The following MYH13 variants were observed in gnomAD, a reference collection of about 807,000 sequenced individuals.
MYH13 encodes myosin heavy chain 13.
MYH13 carries 177 observed loss-of-function variants against 232.1 expected under a neutral mutation model. The observed-to-expected ratio is 0.76, with a 90% confidence interval of 0.67 to 0.86. The LOEUF is 0.86. Among genes scored for constraint, MYH13 ranks in the 40% least tolerant of loss-of-function variants. MYH13 has a pLI of 0.00. For synonymous variants in MYH13, 884 were observed against 923.5 expected, an observed-to-expected ratio of 0.96 and a Z score of 0.78; for missense variants, 2,246 against 2,405.9, an observed-to-expected ratio of 0.93 and a Z score of 1.39.
intron 32 of MYH13, 88 bp downstream of exon 32, chr17:10,311,823 G>T: frequency 6.9e-7 from 1 of 1,456,318 alleles, no homozygotes; most frequent in Non-Finnish European, 9.5e-7. Flanking sequence ...TGGGAAGGAG[G>T]TGTCTGGAGA....
Position 10,311,135 on chromosome 17 carries a change from A to T in MYH13, c.4624T>A (p.Ser1542Thr). The T allele has an allele frequency of 6.2e-7, 1 of 1,614,018 alleles. No individual in the cohort carries two copies. Among genetic ancestry groups the T allele is most frequent in the Non-Finnish European group, 8.5e-7 (1 of 1,179,880 alleles). ...KTKKLVEQEK[S>T]DLQVALEEVE... Reference sequence around the variant, plus strand: ...TCTTCTAAGGCGACCTGCAGATCTGACTTTTCCTGCTCCACTAGCTTCTTG... The same window carrying T: ...TCTTCTAAGGCGACCTGCAGATCTGTCTTTTCCTGCTCCACTAGCTTCTTG... The change falls in exon 33 of 41, where the codon TCA becomes ACA. Residue 1542 changes from serine to threonine, a missense_variant. Coordinates refer to ENST00000252172, the MANE Select transcript of MYH13 (RefSeq NM_003802.3).
chr17:10,362,301 TGGATCTC>T, intron 4 of MYH13, 27 bp from the exon 5 acceptor site: 1 of 1,613,940 alleles, frequency 6.2e-7, no homozygotes, highest in Non-Finnish European at 8.5e-7. Context: ...ATTTATCATT[TGGATCTC>T]GTTTTTACTC....
chr17:10,323,161 G>T (rs1435144931), intron 23 of MYH13, among the ~76,000 whole-genome samples: 1 of 152,188 alleles, frequency 6.6e-6, no homozygotes, highest in Non-Finnish European at 1.5e-5. Context: ...ACAGGTGGAA[G>T]AATTCCTTGA....
At chr17:10,315,542 C>T (rs1906673472) in intron 29 of MYH13, 151 bp downstream of exon 29, 11 of 668,500 alleles carry the variant, frequency 1.6e-5, no homozygotes, top group Non-Finnish European at 2.8e-5. Context: ...GATCCATCTG[C>T]CTTGGCCTCC....
At position 10,312,719 on chromosome 17, in the gene MYH13, T is replaced by TTC. The variant is rs1597885216; in HGVS notation, c.4218_4219dup (p.Asn1407ArgfsTer27). On this transcript the variant is annotated frameshift_variant, in exon 31 of 41. Coordinates refer to ENST00000252172, the MANE Select transcript of MYH13 (RefSeq NM_003802.3). LOFTEE classifies it high-confidence loss of function. Reference sequence around the variant, plus strand: ...GCACTTGGAGTTCGCCGTCTCCGTGTTCTCCTCTGCTTCCTGGAGCCTCTG... The same window carrying TTC: ...GCACTTGGAGTTCGCCGTCTCCGTGTTCTCTCCTCTGCTTCCTGGAGCCTCTG... The TTC allele has an allele frequency of 6.2e-7, 1 of 1,613,654 alleles. No homozygotes were observed. The highest frequency in any genetic ancestry group is 8.5e-7 in the Non-Finnish European group (1 of 1,179,810).
chr17:10,333,863 G>A lies in MYH13; in HGVS notation c.2057-672C>T, dbSNP rs187272970. Reference sequence around the variant, plus strand: ...GCGGGGGTTGCAGTGAGCTGAGATTGAGCCACTGCACTCCAGTCTAGGCAA... The same window carrying A: ...GCGGGGGTTGCAGTGAGCTGAGATTAAGCCACTGCACTCCAGTCTAGGCAA... On this transcript the variant is annotated intron_variant, in intron 18 of 40. Coordinates refer to ENST00000252172, the MANE Select transcript of MYH13 (RefSeq NM_003802.3). 3.2e-3 allele frequency among the ~76,000 whole-genome samples: 480 copies of A among 151,630 alleles called. 1 individual carries two copies. Among genetic ancestry groups the A allele is most frequent in the Non-Finnish European group, 5.3e-3 (359 of 67,890 alleles).
intron 18 of MYH13, among the ~76,000 whole-genome samples, chr17:10,335,261 T>A (rs923675570): frequency 2.0e-5 from 3 of 152,198 alleles, no homozygotes; most frequent in Admixed American, 2.0e-4. Flanking sequence ...GGGCTATGTG[T>A]ATAAGACCCA....
intron 11 of MYH13, among the ~76,000 whole-genome samples, chr17:10,354,120 C>T (rs754506322): frequency 6.6e-6 from 1 of 152,100 alleles, no homozygotes; most frequent in Non-Finnish European, 1.5e-5. Context: ...CAGTGCCTGG[C>T]ACATGTAAGT....
chr17:10,301,444 T>C (rs1225962693), intron 40 of MYH13, 125 bp downstream of exon 40: 7 of 1,420,980 alleles, frequency 4.9e-6, no homozygotes, highest in Non-Finnish European at 6.8e-6. Context: ...TGCTCTTACC[T>C]GGTCCCCACA....
In MYH13 at chr17:10,333,999, A is replaced by G. The variant is rs552735661; in HGVS notation, c.2057-808T>C. The stretch of plus-strand genomic sequence containing the variant: ...ATCTGCTGACCACTCAGCCCCTGCT[A>G]TAGGAATTGGGGGAGAAATGGAGCT... On this transcript the variant is annotated intron_variant, in intron 18 of 40. Coordinates refer to ENST00000252172, the MANE Select transcript of MYH13 (RefSeq NM_003802.3). Among the ~76,000 whole-genome samples the G allele has an allele frequency of 2.6e-5, 4 of 151,984 alleles. 1 individual carries two copies. The highest frequency in any genetic ancestry group is 4.2e-4 in the South Asian group (2 of 4,816).
rs375501891 is a variant in MYH13 at position 10,309,383 on chromosome 17, G to T, written c.5020C>A (p.Gln1674Lys). 6 of 1,611,580 alleles carry T rather than the reference G, an allele frequency of 3.7e-6. No homozygotes were observed. The highest frequency in any genetic ancestry group is 4.2e-6 in the Non-Finnish European group (5 of 1,178,908). The part of the protein sequence containing the change: ...ALRSNEDLKE[Q>K]LAIVERRNGL... ...TTCCTGCGCTCCACGATGGCCAGCTGCTCCTTGAGGTCCTCATTGCTCCTC... is the reference window on the plus strand; with the variant it reads ...TTCCTGCGCTCCACGATGGCCAGCTTCTCCTTGAGGTCCTCATTGCTCCTC... The change falls in exon 35 of 41, where the codon CAG becomes AAG. Residue 1674 changes from glutamine to lysine, a missense_variant. Coordinates refer to ENST00000252172, the MANE Select transcript of MYH13 (RefSeq NM_003802.3).
Position 10,318,879 on chromosome 17 carries a change from C to T in MYH13, c.3649G>A (p.Val1217Met). The change falls in exon 27 of 41, where the codon GTG (valine) becomes ATG (methionine). Residue 1217 changes from valine to methionine, a missense_variant. Transcript: ENST00000252172. ...LGEQIDNLQR[V>M]KQKLEKEKSE... ...TTCTCCTTCTCCAGCTTCTGCTTCA[C>T]CCGCTGCAGGTTGTCAATCTGCTCC... 2 of 1,614,162 alleles carry T rather than the reference C, an allele frequency of 1.2e-6. No homozygotes were observed. The highest frequency in any genetic ancestry group is 1.7e-6 in the Non-Finnish European group (2 of 1,180,038).
At chr17:10,359,456 T>C (rs2071774274) in intron 7 of MYH13, among the ~76,000 whole-genome samples, 2 of 152,350 alleles carry the variant, frequency 1.3e-5, no homozygotes, top group South Asian at 4.1e-4. Context: ...TCTTTTCCAC[T>C]TGGCTTTTCC....
At chr17:10,367,328 C>T (rs1450558682) in intron 2 of MYH13, among the ~76,000 whole-genome samples, 1 of 152,080 alleles carries the variant, frequency 6.6e-6, no homozygotes, top group Non-Finnish European at 1.5e-5. Context: ...CTGTCAAATT[C>T]ATTACATTAA....
At chr17:10,333,481 C>T (rs1267648875) in intron 18 of MYH13, among the ~76,000 whole-genome samples, 1 of 152,242 alleles carries the variant, frequency 6.6e-6, no homozygotes, top group Non-Finnish European at 1.5e-5. Context: ...AGCAAGGCTG[C>T]AAAAGCTGCA....
At chr17:10,366,933 C>G (rs2071842354) in intron 2 of MYH13, among the ~76,000 whole-genome samples, 1 of 152,206 alleles carries the variant, frequency 6.6e-6, no homozygotes, top group African/African-American at 2.4e-5. Context: ...AGTGGCTCTG[C>G]TGAACCATCT....
In MYH13 at chr17:10,301,612, T is replaced by C. The variant is rs1906094209; in HGVS notation, c.5759A>G (p.Gln1920Arg). The C allele has an allele frequency of 6.2e-7, 1 of 1,614,232 alleles. No homozygotes were observed. Among genetic ancestry groups the C allele is most frequent in the Non-Finnish European group, 8.5e-7 (1 of 1,180,038 alleles). ...GCTCTTGGCCCTCAGCTTGTTGACC[T>C]GGGACTCAGCGATGTCCGCCCTCTC... ...AAERADIAES[Q>R]VNKLRAKSRD... The change falls in exon 40 of 41, where the codon CAG becomes CGG. Residue 1920 changes from glutamine to arginine, a missense_variant. By Grantham distance (43) the Gln-to-Arg change is conservative. Transcript: ENST00000252172.
chr17:10,304,608 G>A lies in MYH13; in HGVS notation c.5467-1110C>T, dbSNP rs1393588676. Among the ~76,000 whole-genome samples the A allele has an allele frequency of 6.6e-6, 1 of 152,196 alleles. No homozygotes were observed. The highest frequency in any genetic ancestry group is 1.5e-5 in the Non-Finnish European group (1 of 68,048). On this transcript the variant is annotated intron_variant, in intron 37 of 40. Transcript: ENST00000252172. This position sits in a 1 kb window ranked among gnomAD's most constrained non-coding sequence, Gnocchi z 5.3. ...ATCACGAAGAGAACCTGGGCCAGGA[G>A]TAGTCAAAGCACTCTCCAGGCCCAC...
intron 11 of MYH13, among the ~76,000 whole-genome samples, chr17:10,352,024 A>G (rs1839629124): frequency 6.6e-6 from 1 of 152,174 alleles, no homozygotes; most frequent in South Asian, 2.1e-4. Context: ...TTCCGAGGCC[A>G]TGATGGCCAT....
Sources: gnomAD v4.1 joint callset for allele counts (sites outside exome capture counted in the v4.1 genomes callset) on GRCh38, gnomAD v4.1.1 for gene constraint, Gnocchi (gnomAD v3.1) non-coding constraint, MANE v1.5 for transcripts, NCBI Gene and HGNC (gene_info 2026-07-23, HGNC 2026-07-21) for gene names.